Variants in ZNF423 observed in about 807,000 individuals in gnomAD.
The protein encoded by ZNF423 is Ebf-associated zinc finger protein.
ZNF423 carries 12 observed loss-of-function variants against 95.8 expected under a neutral mutation model. That is an observed-to-expected ratio of 0.13 (90% CI 0.08 to 0.20). The LOEUF (loss-of-function observed/expected upper bound fraction) is 0.20, where lower values mean the gene tolerates loss of function less well. Ranked by LOEUF, ZNF423 falls within the 10% of genes least tolerant of loss-of-function variation. The probability of loss-of-function intolerance (pLI) is 1.00; values close to 1 mark genes in which losing one functional copy is unlikely to be tolerated. For synonymous variants in ZNF423, 749 were observed against 711.9 expected, an observed-to-expected ratio of 1.05 and a Z score of -0.83; for missense variants, 1,316 against 1,737.1, an observed-to-expected ratio of 0.76 and a Z score of 4.31.
chr16:49,713,452 GTAGT>G (rs1476960257), intron 3 of ZNF423, among the ~76,000 whole-genome samples: 3 of 152,134 alleles, frequency 2.0e-5, no homozygotes, highest in Non-Finnish European at 2.9e-5. Context: ...CAGATTTGGG[GTAGT>G]TATTCTCCCA....
chr16:49,757,621 C>G (rs1007135093), intron 2 of ZNF423, among the ~76,000 whole-genome samples: 3 of 152,178 alleles, frequency 2.0e-5, no homozygotes, highest in Admixed American at 6.5e-5. Flanking sequence ...ACACCCAAAC[C>G]AAGCCAGACA....
chr16:49,822,611 T>C, intron 1 of ZNF423: 1 of 1,420,438 alleles, frequency 7.0e-7, no homozygotes, highest in Non-Finnish European at 9.6e-7. Context: ...TAGTTCGAGC[T>C]CCTTCTGTCT....
chr16:49,566,537 G>C (rs1970196905), intron 5 of ZNF423, among the ~76,000 whole-genome samples: 1 of 152,208 alleles, frequency 6.6e-6, no homozygotes, highest in Non-Finnish European at 1.5e-5. Flanking sequence ...GAGCTGTGTG[G>C]TGGGGGAGGC....
intron 1 of ZNF423, among the ~76,000 whole-genome samples, chr16:49,848,189 G>T (rs1030517647): frequency 6.6e-6 from 1 of 152,116 alleles, no homozygotes; most frequent in Admixed American, 6.5e-5. Context: ...GGAGTTGGGG[G>T]ATGAAGAGAT....
chr16:49,665,899 G>A (rs1423000709), intron 3 of ZNF423, among the ~76,000 whole-genome samples: 1 of 152,180 alleles, frequency 6.6e-6, no homozygotes, highest in Non-Finnish European at 1.5e-5. Flanking sequence ...CAAGAAAAGG[G>A]CATGGAAAGG....
intron 5 of ZNF423, among the ~76,000 whole-genome samples, chr16:49,600,295 G>A (rs1971323883): frequency 6.6e-6 from 1 of 151,818 alleles, no homozygotes; most frequent in South Asian, 2.1e-4. Context: ...ACTCCAGCCT[G>A]GGCGACAGAG....
intron 7 of ZNF423, among the ~76,000 whole-genome samples, chr16:49,515,819 C>T (rs1968111588): frequency 6.6e-6 from 1 of 152,206 alleles, no homozygotes; most frequent in South Asian, 2.1e-4. Flanking sequence ...GATGGAGGCA[C>T]CATCCGTGCC....
At chr16:49,710,826 C>T (rs1029139616) in intron 3 of ZNF423, among the ~76,000 whole-genome samples, 5 of 152,192 alleles carry the variant, frequency 3.3e-5, no homozygotes, top group African/African-American at 1.2e-4. Flanking sequence ...CCTGAGAGGA[C>T]CCAGAATGAG....
rs1161471922 is a variant in ZNF423, at chr16:49,818,076, C to T, written c.41-28530G>A. ...AGTGCCAGGCCTGCCATGGTCACCT[C>T]GCTACTCATGTCTCAGTCACAGCTC... is the stretch of plus-strand genomic sequence containing the variant. On this transcript the variant is annotated intron_variant, in intron 1 of 7. Transcript: ENST00000563137. Among the ~76,000 whole-genome samples the T allele has an allele frequency of 2.0e-5, 3 of 152,258 alleles. No homozygotes were observed. In the East Asian group the frequency reaches 5.8e-4, roughly 29 times the overall value.
chr16:49,504,556 T>C (rs1047125974), intron 7 of ZNF423, among the ~76,000 whole-genome samples: 3 of 152,186 alleles, frequency 2.0e-5, no homozygotes, highest in Non-Finnish European at 4.4e-5. Context: ...CACTCCAGCC[T>C]GGGTGACAAA....
At chr16:49,634,289 G>A (rs376703040) in intron 4 of ZNF423, among the ~76,000 whole-genome samples, 1 of 150,530 alleles carries the variant, frequency 6.6e-6, no homozygotes, top group African/African-American at 2.4e-5. Flanking sequence ...GCTAACTGCA[G>A]CCTTGATCTT....
Position 49,626,160 on chromosome 16 carries a change from G to T in ZNF423, c.3601+10C>A. The T allele has an allele frequency of 6.2e-7, 1 of 1,613,400 alleles. No individual in the cohort carries two copies. The highest frequency in any genetic ancestry group is 8.5e-7 in the Non-Finnish European group (1 of 1,179,444). On this transcript the variant is annotated intron_variant, in intron 5 of 7. Coordinates refer to ENST00000563137, the MANE Select transcript of ZNF423 (RefSeq NM_001379286.1). ...AGCTCCAGCATGGCTGGGAGGAAAT[G>T]CTCTCTTACCAATCATGTGGTTGGC... is the stretch of plus-strand genomic sequence containing the variant.
intron 4 of ZNF423, among the ~76,000 whole-genome samples, chr16:49,629,547 T>C (rs7201390): frequency 0.047 from 7,145 of 152,248 alleles, 561 homozygotes; most frequent in African/African-American, 0.16. Context: ...AGAAGACTTC[T>C]CTTTTCACCC....
intron 5 of ZNF423, among the ~76,000 whole-genome samples, chr16:49,542,156 G>C (rs1969273389): frequency 6.6e-6 from 1 of 152,134 alleles, no homozygotes; most frequent in South Asian, 2.1e-4. Context: ...ATTCCCAGTG[G>C]CAGTGACTCT....
intron 1 of ZNF423, among the ~76,000 whole-genome samples, chr16:49,851,028 A>C (rs2035296600): frequency 6.6e-6 from 1 of 152,208 alleles, no homozygotes; most frequent in South Asian, 2.1e-4. Flanking sequence ...AGGCTCTGTG[A>C]CTTGCCCCTT....
At chr16:49,622,727 A>C (rs1972126983) in intron 5 of ZNF423, among the ~76,000 whole-genome samples, 1 of 152,148 alleles carries the variant, frequency 6.6e-6, no homozygotes, top group Admixed American at 6.5e-5. Flanking sequence ...CTCTGCCTCC[A>C]TTACTCAGGC....
intron 5 of ZNF423, among the ~76,000 whole-genome samples, chr16:49,564,192 A>T (rs1345602387): frequency 6.6e-6 from 1 of 152,202 alleles, no homozygotes; most frequent in Non-Finnish European, 1.5e-5. Context: ...CCACTGAATT[A>T]TGGCCATATA....
chr16:49,768,394 C>T (rs2143690917), intron 2 of ZNF423, among the ~76,000 whole-genome samples: 1 of 152,350 alleles, frequency 6.6e-6, no homozygotes, highest in Non-Finnish European at 1.5e-5. Flanking sequence ...AGCCGCTAGG[C>T]TGGGCTTCCC....
chr16:49,810,516 G>A (rs1211615570), intron 1 of ZNF423, among the ~76,000 whole-genome samples: 2 of 152,106 alleles, frequency 1.3e-5, no homozygotes, highest in Non-Finnish European at 2.9e-5. Flanking sequence ...TGAGACCCCT[G>A]GGCGCATCAG....
Sources: gnomAD v4.1 joint callset for allele counts (sites outside exome capture counted in the v4.1 genomes callset) on GRCh38, gnomAD v4.1.1 for gene constraint, MANE v1.5 for transcripts, NCBI Gene and HGNC (gene_info 2026-07-23, HGNC 2026-07-21) for gene names.